The following DPY19L1 variants were observed in gnomAD, a reference collection of about 807,000 sequenced individuals.
DPY19L1 encodes protein C-mannosyl-transferase DPY19L1.
Under a neutral mutation model 96.9 loss-of-function variants are expected in DPY19L1, and 35 were observed. That is an observed-to-expected ratio of 0.36 (90% CI 0.28 to 0.48). The LOEUF (loss-of-function observed/expected upper bound fraction) is 0.48, where lower values mean the gene tolerates loss of function less well. Ranked by LOEUF, DPY19L1 falls within the 20% of genes least tolerant of loss-of-function variation. The pLI is 0.99. For synonymous variants in DPY19L1, 205 were observed against 252.6 expected (o/e 0.81, Z 1.79); for missense variants, 521 against 777.9 (o/e 0.67, Z 3.93).
At position 35,028,510 on chromosome 7, in the gene DPY19L1, A is replaced by G. The variant is rs553767343; in HGVS notation, c.298+8587T>C. Among the ~76,000 whole-genome samples the G allele has an allele frequency of 4.1e-4, 63 of 152,366 alleles. 1 individual carries two copies. In the South Asian group the frequency reaches 0.013, roughly 32 times the overall value. On this transcript the variant is annotated intron_variant, in intron 1 of 21. Coordinates refer to ENST00000638088, the MANE Select transcript of DPY19L1 (RefSeq NM_001366673.1). ...CAACTACTCAACGTAAGTGTTTTGA[A>G]GACAATAAATTCTAATTTCCCTTAA...
chr7:34,930,565 T>C lies in DPY19L1; in HGVS notation c.*1008A>G, dbSNP rs1354504586. 2 of 152,194 alleles carry C rather than the reference T, an allele frequency of 1.3e-5. No homozygotes were observed. Among genetic ancestry groups the C allele is most frequent in the Non-Finnish European group, 1.5e-5 (1 of 68,028 alleles). The allele number at this position is 152,194 out of a possible 1,614,324, so 9.4% of individuals were successfully genotyped here. On this transcript the variant is annotated 3_prime_UTR_variant, in exon 22 of 22. Coordinates refer to ENST00000638088, the MANE Select transcript of DPY19L1 (RefSeq NM_001366673.1). ...GACAGCAAAATTAGTCATGTTTTAT[T>C]GTATCTTAATAGTAAAAGAAAAATT...
chr7:34,977,125 T>C (rs1055665638), intron 7 of DPY19L1, among the ~76,000 whole-genome samples: 1 of 152,162 alleles, frequency 6.6e-6, no homozygotes, highest in African/African-American at 2.4e-5. Context: ...ATTTCACACT[T>C]AATAGACTAT....
At chr7:35,000,232 T>C (rs1785390226) in intron 6 of DPY19L1, among the ~76,000 whole-genome samples, 1 of 152,192 alleles carries the variant, frequency 6.6e-6, no homozygotes, top group Non-Finnish European at 1.5e-5. Context: ...TTAAAATAGC[T>C]GTTCGTATTC....
chr7:35,029,227 A>G (rs948101156), intron 1 of DPY19L1, among the ~76,000 whole-genome samples: 2 of 152,242 alleles, frequency 1.3e-5, no homozygotes, highest in African/African-American at 4.8e-5. Context: ...AGTAATCTAC[A>G]TTAGTAATTT....
intron 6 of DPY19L1, among the ~76,000 whole-genome samples, chr7:34,992,561 T>G (rs80102036): frequency 7.8e-6 from 1 of 128,282 alleles, no homozygotes; most frequent in Admixed American, 8.5e-5. Context: ...TTTTTTTTTT[T>G]CCAGAGACTG....
chr7:34,993,767 A>C (rs1243597550), intron 6 of DPY19L1, among the ~76,000 whole-genome samples: 2 of 152,156 alleles, frequency 1.3e-5, no homozygotes, highest in African/African-American at 2.4e-5. Flanking sequence ...CCTTTAAATA[A>C]AAATGTTTGG....
intron 1 of DPY19L1, among the ~76,000 whole-genome samples, chr7:35,021,239 T>C (rs750487289): frequency 2.6e-5 from 4 of 152,178 alleles, no homozygotes; most frequent in Admixed American, 1.3e-4. Context: ...GCATTTCCTA[T>C]TATGCCATTA....
At chr7:34,989,016 C>A (rs897771916) in intron 7 of DPY19L1, among the ~76,000 whole-genome samples, 1 of 152,036 alleles carries the variant, frequency 6.6e-6, no homozygotes, top group African/African-American at 2.4e-5. Context: ...GAAACTAAGG[C>A]AAAGAGAGAT....
intron 1 of DPY19L1, among the ~76,000 whole-genome samples, chr7:35,024,411 G>A (rs1229020997): frequency 2.6e-5 from 4 of 152,100 alleles, no homozygotes; most frequent in African/African-American, 4.8e-5. Context: ...ACAAGGGTTC[G>A]TTTTGAGTTT....
intron 10 of DPY19L1, among the ~76,000 whole-genome samples, chr7:34,960,521 T>C (rs1468488278): frequency 6.6e-6 from 1 of 152,132 alleles, no homozygotes; most frequent in African/African-American, 2.4e-5. Context: ...AGTAGTTTAT[T>C]TGGATTTCTC....
intron 1 of DPY19L1, among the ~76,000 whole-genome samples, chr7:35,024,551 C>T (rs150503399): frequency 0.014 from 2,094 of 152,242 alleles, 13 homozygotes; most frequent in Non-Finnish European, 0.017. Context: ...GCTTGAAAAG[C>T]CCCATGACTT....
intron 7 of DPY19L1, among the ~76,000 whole-genome samples, chr7:34,982,928 T>C (rs1046683690): frequency 1.3e-5 from 2 of 152,120 alleles, no homozygotes; most frequent in South Asian, 2.1e-4. Context: ...ACTAAAAAGC[T>C]GAAAACTAAC....
intron 6 of DPY19L1, among the ~76,000 whole-genome samples, chr7:34,997,755 T>C (rs1785327076): frequency 6.6e-6 from 1 of 151,528 alleles, no homozygotes; most frequent in South Asian, 2.1e-4. Context: ...TAAGAAAATA[T>C]CATGCAAAAT....
At position 35,011,434 on chromosome 7, in the gene DPY19L1, C is replaced by G; in HGVS notation, c.566G>C (p.Trp189Ser). 2 of 1,602,918 alleles carry G rather than the reference C, an allele frequency of 1.2e-6. No individual in the cohort carries two copies. Among genetic ancestry groups the G allele is most frequent in the Non-Finnish European group, 1.7e-6 (2 of 1,177,096 alleles). Residue 189 changes from tryptophan (W) to serine (S), a missense_variant, in exon 5 of 22, where the codon TGG becomes TCG. Coordinates refer to ENST00000638088, the MANE Select transcript of DPY19L1 (RefSeq NM_001366673.1). ...NLYPEVILAS[W>S]YRIYTKIMDL... ...CATTATTTTGGTATAAATCCGGTAC[C>G]AACTGGCCAAAATTACCTATTTTAA...
intron 16 of DPY19L1, among the ~76,000 whole-genome samples, chr7:34,943,691 A>G (rs1784074708): frequency 6.6e-6 from 1 of 152,174 alleles, no homozygotes; most frequent in Non-Finnish European, 1.5e-5. Context: ...AACTCCATGA[A>G]GCTCAATGGT....
At chr7:35,035,253 C>T (rs147346400) in intron 1 of DPY19L1, among the ~76,000 whole-genome samples, 2 of 152,190 alleles carry the variant, frequency 1.3e-5, no homozygotes, top group Non-Finnish European at 2.9e-5. Context: ...ATACAATCTA[C>T]CACATTCACT....
chr7:35,009,217 G>C (rs1332377388), intron 6 of DPY19L1, among the ~76,000 whole-genome samples: 1 of 152,064 alleles, frequency 6.6e-6, no homozygotes, highest in African/African-American at 2.4e-5. Flanking sequence ...ACATCTTTGA[G>C]GTACTAAACT....
intron 1 of DPY19L1, among the ~76,000 whole-genome samples, chr7:35,024,532 C>T (rs575340563): frequency 4.3e-4 from 66 of 152,278 alleles, no homozygotes; most frequent in Non-Finnish European, 5.4e-4. Context: ...CTAAGCATCA[C>T]ATCCCCTTGC....
intron 1 of DPY19L1, among the ~76,000 whole-genome samples, chr7:35,032,057 T>G (rs2128683972): frequency 6.6e-6 from 1 of 152,312 alleles, no homozygotes; most frequent in Non-Finnish European, 1.5e-5. Context: ...ATGCCACCCC[T>G]AATATGCTCT....
Sources: gnomAD v4.1 joint callset for allele counts (sites outside exome capture counted in the v4.1 genomes callset) on GRCh38, gnomAD v4.1.1 for gene constraint, MANE v1.5 for transcripts, NCBI Gene and HGNC (gene_info 2026-07-23, HGNC 2026-07-21) for gene names.